ZFP1: variants seen among roughly 807,000 people sequenced by gnomAD.
ZFP1 encodes the protein zinc finger protein 1 homolog.
Under a neutral mutation model 38.5 loss-of-function variants are expected in ZFP1, and 32 were observed. The ratio of observed to expected loss-of-function variants is 0.83; its 90% CI spans 0.63 to 1.12. The LOEUF (loss-of-function observed/expected upper bound fraction) is 1.12. ZFP1 is among the 50% of genes most tolerant of loss of function. ZFP1 has a pLI of 0.00. For missense variants in ZFP1, 616 were observed against 480.8 expected (o/e 1.28, Z -2.63); for synonymous variants, 245 against 168.8 (o/e 1.45, Z -3.50).
At chr16:75,168,683 G>C (rs1266510873) in intron 3 of ZFP1, among the ~76,000 whole-genome samples, 1 of 152,194 alleles carries the variant, frequency 6.6e-6, no homozygotes, top group Non-Finnish European at 1.5e-5. Flanking sequence ...CTATCTGGTT[G>C]TCACTGCAAA....
intron 1 of ZFP1, chr16:75,149,044 C>T (rs981666343): frequency 2.0e-5 from 3 of 151,610 alleles, no homozygotes; most frequent in Non-Finnish European, 4.4e-5. Flanking sequence ...GCCCCGATGC[C>T]CGGTGCCTCG....
At position 75,170,621 on chromosome 16, in the gene ZFP1, C is replaced by A; in HGVS notation, c.*287C>A. On this transcript the variant is annotated 3_prime_UTR_variant, in exon 4 of 4. Transcript: ENST00000570010. ...ATGAATTGAGTATTCTAGACAGCAG[C>A]ATAAGAAATATACAAACAGTATCCT... 3.3e-6 allele frequency: 1 copy of A among 300,524 alleles called. No individual in the cohort carries two copies. The highest frequency in any genetic ancestry group is 6.1e-6 in the Non-Finnish European group (1 of 164,524). The allele number at this position is 300,524 out of a possible 1,614,324, so 18.6% of individuals were successfully genotyped here. A position where few individuals can be genotyped will look rare whatever the true frequency, so the allele number is the denominator to read the frequency against.
At chr16:75,162,676 C>T (rs1045818139) in intron 2 of ZFP1, among the ~76,000 whole-genome samples, 1 of 152,090 alleles carries the variant, frequency 6.6e-6, no homozygotes, top group Admixed American at 6.6e-5. Flanking sequence ...CCTTCCCTAC[C>T]AGTAGATCCC....
intron 2 of ZFP1, among the ~76,000 whole-genome samples, chr16:75,164,019 A>T (rs183643935): frequency 6.6e-6 from 1 of 152,304 alleles, no homozygotes; most frequent in Non-Finnish European, 1.5e-5. Flanking sequence ...CTCTTTGTTT[A>T]ATCACTTTTA....
At chr16:75,132,182 G>A in the ZFP1 span, among the ~76,000 whole-genome samples, 1 of 152,070 alleles carries the variant, frequency 6.6e-6, no homozygotes, top group Non-Finnish European at 1.5e-5. Context: ...GAGGTCAGAA[G>A]TTTGAGACCA....
chr16:75,168,385 G>C (rs777197574), intron 3 of ZFP1, among the ~76,000 whole-genome samples: 1 of 151,690 alleles, frequency 6.6e-6, no homozygotes, highest in East Asian at 2.0e-4. Flanking sequence ...CTGGAATATT[G>C]AGAGTATCCC....
At chr16:75,131,539 G>T in the ZFP1 span, among the ~76,000 whole-genome samples, 1 of 152,046 alleles carries the variant, frequency 6.6e-6, no homozygotes, top group Non-Finnish European at 1.5e-5. Context: ...CAAATCGGGA[G>T]TGCACACTCC....
chr16:75,171,435 A>G lies in ZFP1; in HGVS notation c.*1101A>G, dbSNP rs139162856. ...TTTGTTGTTTAAAGGAGGCATTTCT[A>G]CTTCCTTGAGTTTTGCTGTTGCCAA... On this transcript the variant is annotated 3_prime_UTR_variant, in exon 4 of 4. Transcript: ENST00000570010. 1.2e-4 allele frequency: 19 copies of G among 152,304 alleles called. No individual in the cohort carries two copies. The highest frequency in any genetic ancestry group is 4.1e-4 in the African/African-American group (17 of 41,576). 9.4% of individuals were successfully genotyped at this position (152,304 alleles called of 1,614,324 possible).
chr16:75,124,075 C>A, the ZFP1 span, among the ~76,000 whole-genome samples: 5 of 151,546 alleles, frequency 3.3e-5, no homozygotes, highest in Non-Finnish European at 4.4e-5. Context: ...GCCTGGGTGA[C>A]AAAGTGAGAC....
chr16:75,149,438 T>C (rs1186317063), intron 1 of ZFP1, among the ~76,000 whole-genome samples: 1 of 152,236 alleles, frequency 6.6e-6, no homozygotes, highest in Non-Finnish European at 1.5e-5. Flanking sequence ...CCCATGATTC[T>C]GGTGCAGTCA....
intron 2 of ZFP1, among the ~76,000 whole-genome samples, chr16:75,164,507 T>C (rs1365288079): frequency 6.6e-6 from 1 of 152,230 alleles, no homozygotes; most frequent in Non-Finnish European, 1.5e-5. Context: ...GCTGGTTTGC[T>C]GTTGCTTTTT....
the ZFP1 span, among the ~76,000 whole-genome samples, chr16:75,121,572 G>T: frequency 0.025 from 3,735 of 152,176 alleles, 170 homozygotes; most frequent in African/African-American, 0.086. Context: ...CATAAGGCTA[G>T]TTAGCTGACA....
At position 75,169,511 on chromosome 16, in the gene ZFP1, G is replaced by C; in HGVS notation, c.401G>C (p.Cys134Ser). 2 of 1,613,248 alleles carry C rather than the reference G, an allele frequency of 1.2e-6. No individual in the cohort carries two copies. The highest frequency in any genetic ancestry group is 1.1e-5 in the South Asian group (1 of 90,872). Residue 134 changes from cysteine to serine, a missense_variant, in exon 4 of 4, where the codon TGT (cysteine) becomes TCT (serine). By Grantham distance (112) the Cys-to-Ser change is moderately radical. Transcript: ENST00000570010. ...RSYAGKQTDECNEFGKALLYL... is the reference protein window; with the variant it reads ...RSYAGKQTDESNEFGKALLYL... ...TATGCAGGAAAGCAGACTGATGAGT[G>C]TAATGAATTTGGAAAAGCACTTCTC...
the ZFP1 span, among the ~76,000 whole-genome samples, chr16:75,131,956 G>C: frequency 2.6e-5 from 4 of 151,082 alleles, no homozygotes; most frequent in African/African-American, 9.7e-5. Context: ...CAGAGTGACA[G>C]AGATTCCATC....
At chr16:75,153,010 A>G (rs1020716779) in intron 2 of ZFP1, 44 bp downstream of exon 2, 1 of 1,610,404 alleles carries the variant, frequency 6.2e-7, no homozygotes, top group African/African-American at 1.3e-5. Flanking sequence ...CAGTGCATTT[A>G]AGGAAGTTTA....
intron 1 of ZFP1, among the ~76,000 whole-genome samples, chr16:75,149,635 C>G (rs1243755316): frequency 7.1e-6 from 1 of 140,750 alleles, no homozygotes; most frequent in African/African-American, 2.6e-5. Context: ...TCTCGGCTCA[C>G]TGCAACCTCC....
chr16:75,121,347 G>C, the ZFP1 span, among the ~76,000 whole-genome samples: 8 of 151,858 alleles, frequency 5.3e-5, no homozygotes. Context: ...GGATGGTTTC[G>C]ATCTCCTGAC....
the ZFP1 span, among the ~76,000 whole-genome samples, chr16:75,131,414 G>A: frequency 3.9e-5 from 6 of 152,114 alleles, no homozygotes; most frequent in African/African-American, 9.7e-5. Context: ...GGAGTGATGC[G>A]GCTGCTGTTC....
the ZFP1 span, among the ~76,000 whole-genome samples, chr16:75,125,277 A>T: frequency 6.6e-6 from 1 of 152,142 alleles, no homozygotes; most frequent in Non-Finnish European, 1.5e-5. Context: ...TTTTTTTTTA[A>T]TTAAAATTAT....
Sources: allele counts gnomAD v4.1 joint callset (sites outside exome capture counted in the v4.1 genomes callset), GRCh38; gene constraint gnomAD v4.1.1; transcripts MANE v1.5; gene names NCBI Gene and HGNC (gene_info 2026-07-23, HGNC 2026-07-21).